The following ADAM22 variants were observed in gnomAD, a reference collection of about 807,000 sequenced individuals.
ADAM22 encodes the protein disintegrin and metalloproteinase domain-containing protein 22.
In ADAM22, 65 loss-of-function variants were observed where a neutral mutation model predicts 144.6. The ratio of observed to expected loss-of-function variants is 0.45; its 90% confidence interval spans 0.37 to 0.55. ADAM22 has a LOEUF of 0.55. Ranked by LOEUF, ADAM22 falls within the 20% of genes least tolerant of loss-of-function variation. The probability of loss-of-function intolerance (pLI) is 0.00; values close to 1 mark genes in which losing one functional copy is unlikely to be tolerated. For synonymous variants in ADAM22, 391 were observed against 412.6 expected (o/e 0.95, Z 0.63); for missense variants, 974 against 1,184.9 (o/e 0.82, Z 2.61).
intron 8 of ADAM22, 108 bp downstream of exon 8, chr7:88,125,767 TTGTCA>T: frequency 1.1e-6 from 1 of 910,514 alleles, no homozygotes; most frequent in Non-Finnish European, 1.6e-6. Context: ...GTTTGGGAAT[TTGTCA>T]GGGTGTGATA....
At chr7:88,011,788 T>C (rs1365723678) in intron 3 of ADAM22, among the ~76,000 whole-genome samples, 4 of 150,324 alleles carry the variant, frequency 2.7e-5, no homozygotes, top group African/African-American at 4.9e-5. Flanking sequence ...TCTCTTTGTC[T>C]TCGGTTTGCT....
At chr7:87,941,056 C>A (rs1842369381) in intron 2 of ADAM22, among the ~76,000 whole-genome samples, 1 of 152,122 alleles carries the variant, frequency 6.6e-6, no homozygotes, top group Non-Finnish European at 1.5e-5. Flanking sequence ...TGTGTTTTCA[C>A]CCCATACATT....
At chr7:88,188,776 T>G (rs891711193) in intron 30 of ADAM22, among the ~76,000 whole-genome samples, 3 of 152,222 alleles carry the variant, frequency 2.0e-5, no homozygotes, top group African/African-American at 7.2e-5. Context: ...GCCAACCCTA[T>G]GCTTAGGCTC....
chr7:88,119,253 A>G (rs376960831), intron 7 of ADAM22, among the ~76,000 whole-genome samples: 14 of 151,956 alleles, frequency 9.2e-5, no homozygotes, highest in East Asian at 5.8e-4. Context: ...ACATACCTAC[A>G]CTCTTGTTGA....
At chr7:87,937,107 C>T (rs1203601829) in intron 2 of ADAM22, among the ~76,000 whole-genome samples, 1 of 152,046 alleles carries the variant, frequency 6.6e-6, no homozygotes, top group Admixed American at 6.6e-5. Context: ...AGGCATGTGC[C>T]ACCTTATCTG....
rs1295367633 is a variant in ADAM22, at chr7:88,201,169, C to T, written c.*4678C>T. On this transcript the variant is annotated 3_prime_UTR_variant, in exon 32 of 32. Transcript: ENST00000413139. Reference sequence around the variant, plus strand: ...GTTAGTCCCGCAAATGGAGCAACTTCTGGTTGTTTGTAAGCAGAAAAACAA... The same window carrying T: ...GTTAGTCCCGCAAATGGAGCAACTTTTGGTTGTTTGTAAGCAGAAAAACAA... 1 of 152,222 alleles carries T rather than the reference C, an allele frequency of 6.6e-6. No individual in the cohort carries two copies. Among genetic ancestry groups the T allele is most frequent in the Non-Finnish European group, 1.5e-5 (1 of 68,042 alleles). 9.4% of individuals were successfully genotyped at this position (152,222 alleles called of 1,614,324 possible).
At chr7:88,160,978 G>A (rs1233332289) in intron 22 of ADAM22, among the ~76,000 whole-genome samples, 11 of 152,042 alleles carry the variant, frequency 7.2e-5, no homozygotes, top group Non-Finnish European at 1.5e-5. Context: ...GCAGGGGGAA[G>A]GGGGAGAGAT....
At chr7:88,168,047 T>C in intron 24 of ADAM22, 90 bp from the exon 25 acceptor site, 6 of 1,022,248 alleles carry the variant, frequency 5.9e-6, no homozygotes, top group Non-Finnish European at 8.8e-6. Context: ...CAAACAGTGT[T>C]GTTAGTGTGA....
At chr7:88,130,312 C>A in intron 9 of ADAM22, 76 bp from the exon 10 acceptor site, 2 of 1,120,056 alleles carry the variant, frequency 1.8e-6, no homozygotes, top group South Asian at 1.5e-5. Context: ...CTTTCAATTG[C>A]ACCATGTTTT....
chr7:87,973,526 G>A (rs1851046730), intron 2 of ADAM22, among the ~76,000 whole-genome samples: 1 of 151,892 alleles, frequency 6.6e-6, no homozygotes, highest in African/African-American at 2.4e-5. Flanking sequence ...GGAAGTCAGT[G>A]TGGCGATTCC....
chr7:88,159,473 T>G (rs1289494958), intron 22 of ADAM22, among the ~76,000 whole-genome samples: 1 of 152,034 alleles, frequency 6.6e-6, no homozygotes, highest in African/African-American at 2.4e-5. Flanking sequence ...TTTCAGCCCA[T>G]TATCCTTGAT....
intron 3 of ADAM22, among the ~76,000 whole-genome samples, chr7:88,017,907 A>AT (rs536408670): frequency 6.6e-6 from 1 of 151,834 alleles, no homozygotes; most frequent in African/African-American, 2.4e-5. Context: ...TTTGTTTTAC[A>AT]TTTTTTTTCT....
intron 3 of ADAM22, among the ~76,000 whole-genome samples, chr7:88,006,232 C>T (rs1315506638): frequency 2.0e-5 from 3 of 152,290 alleles, no homozygotes; most frequent in Non-Finnish European, 4.4e-5. Context: ...AGACCAATAA[C>T]AGGATCTGAA....
At chr7:87,954,886 C>A (rs1235357596) in intron 2 of ADAM22, among the ~76,000 whole-genome samples, 3 of 150,308 alleles carry the variant, frequency 2.0e-5, no homozygotes, top group Non-Finnish European at 3.0e-5. Context: ...TCATTCATTT[C>A]ATCTTCCATC....
intron 3 of ADAM22, among the ~76,000 whole-genome samples, chr7:87,988,600 T>C (rs1789020277): frequency 6.6e-6 from 1 of 152,214 alleles, no homozygotes; most frequent in South Asian, 2.1e-4. Flanking sequence ...TTTAAGAAAA[T>C]CTTATGACTT....
At chr7:88,017,023 G>A (rs1211090008) in intron 3 of ADAM22, among the ~76,000 whole-genome samples, 1 of 152,132 alleles carries the variant, frequency 6.6e-6, no homozygotes, top group Non-Finnish European at 1.5e-5. Flanking sequence ...GAAGGCTGAG[G>A]CAGGAGGATT....
intron 4 of ADAM22, among the ~76,000 whole-genome samples, chr7:88,105,459 G>A (rs949747377): frequency 1.3e-5 from 2 of 152,102 alleles, no homozygotes; most frequent in Non-Finnish European, 2.9e-5. Context: ...AGGAAATCAC[G>A]GGCATCTAAG....
At chr7:88,069,642 C>A (rs919310774) in intron 3 of ADAM22, among the ~76,000 whole-genome samples, 3 of 152,174 alleles carry the variant, frequency 2.0e-5, no homozygotes, top group African/African-American at 7.2e-5. Flanking sequence ...AAATCTTATT[C>A]CATTATAGTA....
chr7:87,934,764 T>C, intron 1 of ADAM22: 2 of 658,568 alleles, frequency 3.0e-6, no homozygotes, highest in Non-Finnish European at 2.6e-6. Context: ...TCAAAGCCTG[T>C]TTTTCTCCTT....
Sources: gnomAD v4.1 joint callset for allele counts (sites outside exome capture counted in the v4.1 genomes callset) on GRCh38, gnomAD v4.1.1 for gene constraint, MANE v1.5 for transcripts, NCBI Gene and HGNC (gene_info 2026-07-23, HGNC 2026-07-21) for gene names.